Variants in HAPSTR1 observed in about 807,000 individuals in gnomAD.
The protein encoded by HAPSTR1 is HUWE1-associated protein modifying stress responses 1.
chr16:9,094,487 A>AT, the HAPSTR1 span, among the ~76,000 whole-genome samples: 194 of 147,056 alleles, frequency 1.3e-3, no homozygotes, highest in African/African-American at 3.1e-3. Flanking sequence ...ATATACTTTG[A>AT]TTTTTTTTTT....
the HAPSTR1 span, chr16:9,120,542 A>G: frequency 2.6e-5 from 4 of 152,134 alleles, no homozygotes; most frequent in South Asian, 2.1e-4. Flanking sequence ...TAGCAAGTCA[A>G]GTTTTCGATG....
chr16:9,099,113 T>G, the HAPSTR1 span, among the ~76,000 whole-genome samples: 1 of 145,386 alleles, frequency 6.9e-6, no homozygotes, highest in Admixed American at 7.0e-5. Context: ...GGATTCAGTT[T>G]CCCATGCTTA....
the HAPSTR1 span, among the ~76,000 whole-genome samples, chr16:9,102,570 A>G: frequency 5.5e-3 from 837 of 152,260 alleles, 7 homozygotes; most frequent in African/African-American, 0.019. Context: ...CTTGTTCCTC[A>G]TTCTTGGTGC....
At chr16:9,092,110 C>G in the HAPSTR1 span, 2 of 1,549,342 alleles carry the variant, frequency 1.3e-6, no homozygotes, top group Non-Finnish European at 1.7e-6. Context: ...ACTGGTTCTC[C>G]AAGTGGGAGC....
At chr16:9,100,106 C>T in the HAPSTR1 span, among the ~76,000 whole-genome samples, 14 of 152,296 alleles carry the variant, frequency 9.2e-5, 1 homozygote, top group South Asian at 1.2e-3. Context: ...TCCTCTAGGA[C>T]CTTCTAGTCT....
chr16:9,092,572 G>T, the HAPSTR1 span, among the ~76,000 whole-genome samples: 241 of 152,272 alleles, frequency 1.6e-3, no homozygotes, highest in Non-Finnish European at 2.8e-3. Context: ...CGGGAGAGGA[G>T]GAGCCCCCGT....
the HAPSTR1 span, among the ~76,000 whole-genome samples, chr16:9,097,733 C>T: frequency 2.6e-5 from 4 of 152,196 alleles, no homozygotes; most frequent in Admixed American, 1.3e-4. Context: ...ATCAGGCTGG[C>T]TTCATTATGT....
At chr16:9,101,331 T>C in the HAPSTR1 span, among the ~76,000 whole-genome samples, 1 of 152,226 alleles carries the variant, frequency 6.6e-6, no homozygotes, top group Non-Finnish European at 1.5e-5. Context: ...AAATCAAAAT[T>C]ATTGATTCAT....
chr16:9,117,941 A>C, the HAPSTR1 span: 1 of 152,466 alleles, frequency 6.6e-6, no homozygotes, highest in African/African-American at 2.4e-5. Context: ...GCAAAACCCA[A>C]CTCTCCCTGT....
At chr16:9,096,966 A>C in the HAPSTR1 span, among the ~76,000 whole-genome samples, 1 of 152,054 alleles carries the variant, frequency 6.6e-6, no homozygotes, top group East Asian at 1.9e-4. Flanking sequence ...TTTGGAGACG[A>C]AGTCTCGCTC....
the HAPSTR1 span, chr16:9,112,104 G>T: frequency 6.6e-6 from 1 of 152,206 alleles, no homozygotes; most frequent in African/African-American, 2.4e-5. Flanking sequence ...ATAATTTACA[G>T]ATTGGGGTGG....
the HAPSTR1 span, chr16:9,092,339 G>A: frequency 3.0e-5 from 37 of 1,236,060 alleles, no homozygotes; most frequent in Non-Finnish European, 3.5e-5. Flanking sequence ...GGCCCTATCG[G>A]CTCAGCGGCC....
At chr16:9,113,027 G>GTTTTTTTTTTTTTTTTTTTTTTGT in the HAPSTR1 span, 2 of 128,304 alleles carry the variant, frequency 1.6e-5, no homozygotes, top group Admixed American at 7.6e-5. Flanking sequence ...TGTTTTTTTT[G>GTTTTTTTTTTTTTTTTTTTTTTGT]TTTTTTTTTG....
the HAPSTR1 span, chr16:9,102,977 C>A: frequency 1.2e-6 from 2 of 1,603,336 alleles, no homozygotes; most frequent in South Asian, 2.2e-5. Context: ...TTCTTTTTTT[C>A]TAACAGAAAG....
chr16:9,093,094 GC>G, the HAPSTR1 span: 2 of 1,235,948 alleles, frequency 1.6e-6, no homozygotes, highest in South Asian at 1.3e-5. Flanking sequence ...CTGCTCCCCA[GC>G]CCAGCTGCTA....
chr16:9,116,527 A>G, the HAPSTR1 span: 4 of 1,099,124 alleles, frequency 3.6e-6, no homozygotes, highest in Non-Finnish European at 1.3e-6. Context: ...TCCAGAATAA[A>G]ACTTAATTGC....
chr16:9,105,724 G>A, the HAPSTR1 span: 1 of 152,216 alleles, frequency 6.6e-6, no homozygotes, highest in African/African-American at 2.4e-5. Flanking sequence ...TGAATTCTAA[G>A]TTAGGCCAAA....
chr16:9,108,061 T>C, the HAPSTR1 span: 1 of 152,092 alleles, frequency 6.6e-6, no homozygotes, highest in Non-Finnish European at 1.5e-5. Context: ...TTGCCTAGGG[T>C]GCTACATGGT....
At chr16:9,119,220 C>T in the HAPSTR1 span, 1 of 152,274 alleles carries the variant, frequency 6.6e-6, no homozygotes, top group Non-Finnish European at 1.5e-5. Context: ...GCAGTAGAAG[C>T]GTAATGATTT....
Sources: allele counts gnomAD v4.1 joint callset (sites outside exome capture counted in the v4.1 genomes callset), GRCh38; gene constraint gnomAD v4.1.1; transcripts MANE v1.5; gene names NCBI Gene and HGNC (gene_info 2026-07-23, HGNC 2026-07-21).